The following REPS1 variants were observed in gnomAD, a reference collection of about 807,000 sequenced individuals.
REPS1 encodes the protein RALBP1 associated Eps domain containing 1.
In REPS1, 39 loss-of-function variants were observed where a neutral mutation model predicts 100.9. The ratio of observed to expected loss-of-function variants is 0.39; its 90% CI spans 0.30 to 0.50. The LOEUF (loss-of-function observed/expected upper bound fraction) is 0.50, where lower values mean the gene tolerates loss of function less well. REPS1 is among the 20% of genes least tolerant of loss of function. The pLI, the probability that REPS1 is intolerant of heterozygous loss-of-function variation, is 0.86. For synonymous variants in REPS1, 324 were observed against 340.3 expected, an observed-to-expected ratio of 0.95 and a Z score of 0.53; for missense variants, 821 against 968.5, an observed-to-expected ratio of 0.85 and a Z score of 2.02.
intron 1 of REPS1, among the ~76,000 whole-genome samples, chr6:138,969,364 T>G (rs1458288203): frequency 2.1e-5 from 3 of 144,330 alleles, no homozygotes; most frequent in African/African-American, 7.6e-5. Context: ...CAATCTCGGC[T>G]CACTGCATCC....
At chr6:138,966,631 A>G (rs1226763237) in intron 1 of REPS1, among the ~76,000 whole-genome samples, 1 of 152,186 alleles carries the variant, frequency 6.6e-6, no homozygotes, top group Non-Finnish European at 1.5e-5. Flanking sequence ...ATTATTTTAT[A>G]AGGGATCATA....
intron 13 of REPS1, among the ~76,000 whole-genome samples, chr6:138,917,158 G>A (rs754135303): frequency 1.3e-5 from 2 of 152,194 alleles, no homozygotes; most frequent in South Asian, 2.1e-4. Flanking sequence ...TATATGTAAC[G>A]CAGAACTTCA....
At chr6:138,922,239 C>T (rs1780822451) in intron 10 of REPS1, among the ~76,000 whole-genome samples, 1 of 152,066 alleles carries the variant, frequency 6.6e-6, no homozygotes, top group Non-Finnish European at 1.5e-5. Context: ...TATGACATTG[C>T]AATAGTAGGC....
Position 138,916,224 on chromosome 6 carries a change from T to C in REPS1, c.1602-248A>G, listed in dbSNP as rs7759760. ...AAGCAAAATTTCTTTTTTTCTTTTT[T>C]TTTTTTTTTTTTTTTTGAGACAGTC... is the stretch of plus-strand genomic sequence containing the variant. On this transcript the variant is annotated intron_variant, in intron 13 of 19. Transcript: ENST00000450536. 6.1e-3 allele frequency: 1,753 copies of C among 288,598 alleles called. 20 individuals are homozygous for C. Among genetic ancestry groups the C allele is most frequent in the African/African-American group, 0.041 (1,492 of 35,982 alleles). 17.9% of individuals were successfully genotyped at this position (288,598 alleles called of 1,614,324 possible).
At chr6:138,945,000 T>A (rs1013580791) in intron 4 of REPS1, among the ~76,000 whole-genome samples, 13 of 152,208 alleles carry the variant, frequency 8.5e-5, no homozygotes, top group African/African-American at 2.9e-4. Context: ...AATTAAAAAC[T>A]ATCTGGGAGG....
intron 1 of REPS1, among the ~76,000 whole-genome samples, chr6:138,960,498 G>T (rs1368399612): frequency 4.1e-5 from 6 of 145,458 alleles, no homozygotes; most frequent in Non-Finnish European, 4.5e-5. Context: ...TTCCAAAACT[G>T]AAAAAAAAAA....
Position 138,941,326 on chromosome 6 carries a change from C to T in REPS1, c.1135+9G>A, listed in dbSNP as rs757639647. The stretch of plus-strand genomic sequence containing the variant: ...CATGCAAACAGCTCTCTTCAGCTCC[C>T]AATCTTACCTGCTGAATCTTCCAAA... On this transcript the variant is annotated intron_variant, in intron 8 of 19. Transcript: ENST00000450536. 6.2e-7 allele frequency: 1 copy of T among 1,613,500 alleles called. No individual in the cohort carries two copies.
At chr6:138,957,038 A>G (rs1783434871) in intron 1 of REPS1, among the ~76,000 whole-genome samples, 1 of 135,858 alleles carries the variant, frequency 7.4e-6, no homozygotes, top group Non-Finnish European at 1.5e-5. Context: ...TTAGAAAAAT[A>G]CAAAAAAAAA....
At chr6:138,981,887 ACTCT>A (rs1199874700) in intron 1 of REPS1, among the ~76,000 whole-genome samples, 2 of 151,576 alleles carry the variant, frequency 1.3e-5, no homozygotes, top group Middle Eastern at 3.4e-3. Flanking sequence ...TAAAACTCTA[ACTCT>A]GGGCTATTGA....
intron 1 of REPS1, among the ~76,000 whole-genome samples, chr6:138,977,875 G>A (rs149506645): frequency 9.5e-4 from 144 of 152,254 alleles, no homozygotes; most frequent in African/African-American, 3.3e-3. Context: ...AGTGCCTAAG[G>A]GTTCCAGTTT....
At position 138,917,585 on chromosome 6, in the gene REPS1, T is replaced by G; in HGVS notation, c.1571A>C (p.Glu524Ala). 1 of 1,613,726 alleles carries G rather than the reference T, an allele frequency of 6.2e-7. No homozygotes were observed. The highest frequency in any genetic ancestry group is 2.2e-5 in the East Asian group (1 of 44,838). ...SSSDSFTSDPEQIGSNVTRQR... is the reference protein window; with the variant it reads ...SSSDSFTSDPAQIGSNVTRQR... Reference sequence around the variant, plus strand: ...ACGAGTTACATTGCTCCCGATCTGTTCTGGGTCAGAAGTAAAAGAGTCTGA... The same window carrying G: ...ACGAGTTACATTGCTCCCGATCTGTGCTGGGTCAGAAGTAAAAGAGTCTGA... Residue 524 changes from glutamate to alanine, a missense_variant, in exon 13 of 20, where the codon GAA becomes GCA. Coordinates refer to ENST00000450536, the MANE Select transcript of REPS1 (RefSeq NM_001286611.2).
intron 15 of REPS1, among the ~76,000 whole-genome samples, chr6:138,914,228 C>A (rs1780204818): frequency 6.7e-6 from 1 of 150,280 alleles, no homozygotes; most frequent in Non-Finnish European, 1.5e-5. Context: ...CACCACCACA[C>A]CCAGCTAATT....
intron 1 of REPS1, among the ~76,000 whole-genome samples, chr6:138,970,640 C>A (rs6901307): frequency 2.6e-5 from 4 of 151,918 alleles, no homozygotes; most frequent in Non-Finnish European, 4.4e-5. Flanking sequence ...AAAAAAAGGC[C>A]GGGCATGGTG....
At chr6:138,934,148 G>C (rs903683833) in intron 8 of REPS1, 10 of 272,502 alleles carry the variant, frequency 3.7e-5, no homozygotes, top group African/African-American at 2.2e-4. Flanking sequence ...CTCCAACAAA[G>C]AGCTTCCTGC....
At chr6:138,985,648 T>C (rs1358811184) in intron 1 of REPS1, among the ~76,000 whole-genome samples, 1 of 152,138 alleles carries the variant, frequency 6.6e-6, no homozygotes, top group Non-Finnish European at 1.5e-5. Flanking sequence ...CTCCAGGGAG[T>C]TCCAACTTGT....
chr6:138,929,693 G>A, intron 9 of REPS1: 1 of 257,884 alleles, frequency 3.9e-6, no homozygotes, highest in Non-Finnish European at 7.6e-6. Flanking sequence ...CTGGATATGA[G>A]ATCTTGGCCA....
intron 3 of REPS1, 24 bp downstream of exon 3, chr6:138,945,477 T>C (rs368151716): frequency 6.3e-7 from 1 of 1,586,266 alleles, no homozygotes; most frequent in South Asian, 1.2e-5. Context: ...CATCAACTGC[T>C]AATATTTACA....
At chr6:138,932,259 G>C (rs936917463) in intron 8 of REPS1, among the ~76,000 whole-genome samples, 9 of 151,690 alleles carry the variant, frequency 5.9e-5, no homozygotes, top group African/African-American at 2.2e-4. Flanking sequence ...TATTTCAATA[G>C]AGTTATTTTC....
intron 8 of REPS1, among the ~76,000 whole-genome samples, chr6:138,941,112 T>C (rs1159834877): frequency 6.6e-6 from 1 of 152,110 alleles, no homozygotes; most frequent in African/African-American, 2.4e-5. Context: ...AATACAAAGG[T>C]AAAATAGTGG....
Sources: gnomAD v4.1 joint callset for allele counts (sites outside exome capture counted in the v4.1 genomes callset) on GRCh38, gnomAD v4.1.1 for gene constraint, MANE v1.5 for transcripts, NCBI Gene and HGNC (gene_info 2026-07-23, HGNC 2026-07-21) for gene names.